CBX5: variants seen among roughly 807,000 people sequenced by gnomAD.
CBX5 encodes chromobox 5, also known as chromobox protein homolog 5.
CBX5 carries 7 observed loss-of-function variants against 20.7 expected under a neutral mutation model. That is an observed-to-expected ratio of 0.34 (90% confidence interval 0.19 to 0.63). The LOEUF (loss-of-function observed/expected upper bound fraction) is 0.63. Among genes scored for constraint, CBX5 ranks in the 30% least tolerant of loss-of-function variants. The pLI is 0.75. For missense variants in CBX5, 110 were observed against 224.1 expected (o/e 0.49, Z 3.25); for synonymous variants, 78 against 77.0 (o/e 1.01, Z -0.07).
At chr12:54,278,093 T>C (rs1278485243) in intron 1 of CBX5, among the ~76,000 whole-genome samples, 2 of 152,320 alleles carry the variant, frequency 1.3e-5, no homozygotes. Context: ...CATTTGGCAA[T>C]GTCTGGAAAC....
intron 1 of CBX5, among the ~76,000 whole-genome samples, chr12:54,266,731 T>C (rs1327222366): frequency 6.6e-6 from 1 of 152,214 alleles, no homozygotes; most frequent in Non-Finnish European, 1.5e-5. Flanking sequence ...GGTAAACTGG[T>C]GTATTTAGCA....
At chr12:54,270,788 A>G (rs1944001381) in intron 1 of CBX5, among the ~76,000 whole-genome samples, 1 of 152,182 alleles carries the variant, frequency 6.6e-6, no homozygotes, top group Non-Finnish European at 1.5e-5. Context: ...ACAGTGGCTC[A>G]TGCCTGTAAT....
chr12:54,252,314 A>T (rs1192763266), intron 2 of CBX5, 87 bp from the exon 3 acceptor site: 1 of 896,678 alleles, frequency 1.1e-6, no homozygotes, highest in African/African-American at 1.8e-5. Flanking sequence ...CAAAGAGGAC[A>T]TTCGGACAAA....
At chr12:54,251,776 T>C (rs1430845999) in intron 3 of CBX5, among the ~76,000 whole-genome samples, 2 of 152,214 alleles carry the variant, frequency 1.3e-5, no homozygotes, top group Non-Finnish European at 2.9e-5. Flanking sequence ...CTTCTACTTA[T>C]GGAGAAGGCA....
intron 3 of CBX5, among the ~76,000 whole-genome samples, chr12:54,247,489 C>T (rs1482952565): frequency 6.6e-6 from 1 of 152,128 alleles, no homozygotes; most frequent in Non-Finnish European, 1.5e-5. Flanking sequence ...TATGATCACG[C>T]CACTGTGCTC....
Position 54,242,195 on chromosome 12 carries a change from A to T in CBX5, c.426-290T>A, listed in dbSNP as rs12296375. Among the ~76,000 whole-genome samples, 1,329 of 152,274 alleles carry T rather than the reference A, an allele frequency of 8.7e-3. 57 individuals carry two copies. Among genetic ancestry groups the T allele is most frequent in the East Asian group, 0.059 (308 of 5,182 alleles). Reference sequence around the variant, plus strand: ...ATATTAATCTGCTTCCAAAATTTTTATTTGTGAATATGAGCATGTGAGTGA... The same window carrying T: ...ATATTAATCTGCTTCCAAAATTTTTTTTTGTGAATATGAGCATGTGAGTGA... On this transcript the variant is annotated intron_variant, in intron 4 of 4. Transcript: ENST00000209875.
At position 54,257,549 on chromosome 12, in the gene CBX5, T is replaced by G; in HGVS notation, c.102A>C (p.Gln34His). 2 of 1,614,224 alleles carry G rather than the reference T, an allele frequency of 1.2e-6. No homozygotes were observed. Among genetic ancestry groups the G allele is most frequent in the Non-Finnish European group, 1.7e-6 (2 of 1,180,030 alleles). ...KVLDRRVVKG[Q>H]VEYLLKWKGF... is the part of the protein sequence containing the mutation. ...CTTTCCACTTCAGTAGATATTCCACTTGTCCCTTAACCACGCGCCTGTCTA... is the reference window on the plus strand; with the variant it reads ...CTTTCCACTTCAGTAGATATTCCACGTGTCCCTTAACCACGCGCCTGTCTA... Residue 34 changes from glutamine to histidine, a missense_variant, in exon 2 of 5, where the codon CAA becomes CAC. Physicochemically the swap from Gln to His is conservative, Grantham distance 24. Coordinates refer to ENST00000209875, the MANE Select transcript of CBX5 (RefSeq NM_012117.3).
rs556869783 is a variant in CBX5 at position 54,279,473 on chromosome 12, G to A, written c.-43+535C>T. Among the ~76,000 whole-genome samples the A allele has an allele frequency of 7.2e-5, 11 of 152,142 alleles. No individual in the cohort carries two copies. In the East Asian group the frequency reaches 2.1e-3, roughly 29 times the overall value. ...GTGGATAAAACATCCACCCTCACAC[G>A]CCATTACAGGCACCGACTCCCCTTC... On this transcript the variant is annotated intron_variant, in intron 1 of 4. Coordinates refer to ENST00000209875, the MANE Select transcript of CBX5 (RefSeq NM_012117.3).
chr12:54,263,892 A>C (rs1176259968), intron 1 of CBX5, among the ~76,000 whole-genome samples: 1 of 151,682 alleles, frequency 6.6e-6, no homozygotes, highest in Non-Finnish European at 1.5e-5. Context: ...AAATACAAAA[A>C]ATTAGCCAGA....
intron 1 of CBX5, chr12:54,271,814 C>A (rs1944013265): frequency 6.6e-6 from 1 of 152,004 alleles, no homozygotes. Context: ...ATATAGGAAA[C>A]AGAAGGAAAA....
At chr12:54,270,163 G>C (rs950230305) in intron 1 of CBX5, among the ~76,000 whole-genome samples, 1 of 151,674 alleles carries the variant, frequency 6.6e-6, no homozygotes, top group African/African-American at 2.4e-5. Context: ...GTTTATTTTG[G>C]ATTTAATTTG....
At position 54,243,774 on chromosome 12, in the gene CBX5, G is replaced by A. The variant is rs1022184898; in HGVS notation, c.426-1869C>T. On this transcript the variant is annotated intron_variant, in intron 4 of 4. Coordinates refer to ENST00000209875, the MANE Select transcript of CBX5 (RefSeq NM_012117.3). ...ATCCCAGCTACTTAGGTGGCTGAGGGATGAGAACTGCTTGAACCTGGGAGG... is the reference window on the plus strand; with the variant it reads ...ATCCCAGCTACTTAGGTGGCTGAGGAATGAGAACTGCTTGAACCTGGGAGG... Among the ~76,000 whole-genome samples the A allele has an allele frequency of 2.7e-5, 4 of 148,806 alleles. No individual in the cohort carries two copies. The East Asian group carries it at 8.4e-4, about 31-fold the overall frequency.
At chr12:54,253,282 G>T (rs1404408852) in intron 2 of CBX5, among the ~76,000 whole-genome samples, 3 of 152,020 alleles carry the variant, frequency 2.0e-5, no homozygotes, top group Non-Finnish European at 4.4e-5. Context: ...GGGCTTGGTG[G>T]TGCACACCTG....
In CBX5 at chr12:54,261,249, C is replaced by CA. The variant is rs375784678; in HGVS notation, c.-42-3558dup. Among the ~76,000 whole-genome samples the CA allele has an allele frequency of 4.9e-4, 74 of 149,828 alleles. 1 individual carries two copies. The highest frequency in any genetic ancestry group is 1.7e-3 in the African/African-American group (71 of 41,078). On this transcript the variant is annotated intron_variant, in intron 1 of 4. Transcript: ENST00000209875. ...GCACAATGGTGACTATTACGACTGT[C>CA]AAACAGAAGAAACCATAGGGTGTAA...
rs745314716 is a variant in CBX5 at position 54,252,267 on chromosome 12, G to T, written c.138-40C>A. 3.4e-6 allele frequency: 5 copies of T among 1,464,774 alleles called. No individual in the cohort carries two copies. The African/African-American group carries it at 4.4e-5, about 13-fold the overall frequency. 90.7% of individuals were successfully genotyped at this position (1,464,774 alleles called of 1,614,324 possible). ...TGGGAAAATTAAAAAAAAAAGGGGG[G>T]GGTAAAGAATGAGGAAAAAAATCCA... On this transcript the variant is annotated intron_variant, in intron 2 of 4. Transcript: ENST00000209875.
Position 54,251,153 on chromosome 12 carries a change from T to C in CBX5, c.324+888A>G, listed in dbSNP as rs545514649. Among the ~76,000 whole-genome samples, 32 of 146,100 alleles carry C rather than the reference T, an allele frequency of 2.2e-4. No individual in the cohort carries two copies. In the South Asian group the frequency reaches 6.9e-3, roughly 32 times the overall value. On this transcript the variant is annotated intron_variant, in intron 3 of 4. Coordinates refer to ENST00000209875, the MANE Select transcript of CBX5 (RefSeq NM_012117.3). Reference sequence around the variant, plus strand: ...CTCCAAAAAAAAAGAAAAAAGGAAGTGAAATGGTAAACATTTCAAAGCCCC... The same window carrying C: ...CTCCAAAAAAAAAGAAAAAAGGAAGCGAAATGGTAAACATTTCAAAGCCCC...
At chr12:54,255,344 G>A (rs1943852290) in intron 2 of CBX5, among the ~76,000 whole-genome samples, 1 of 152,062 alleles carries the variant, frequency 6.6e-6, no homozygotes, top group African/African-American at 2.4e-5. Flanking sequence ...CGAATCACAA[G>A]GTCAGGAGTT....
intron 1 of CBX5, chr12:54,276,958 T>G (rs1418126143): frequency 6.6e-6 from 1 of 152,210 alleles, no homozygotes; most frequent in Non-Finnish European, 1.5e-5. Context: ...AAAACATATT[T>G]GCCATTATTT....
At chr12:54,264,637 G>A (rs1323287066) in intron 1 of CBX5, among the ~76,000 whole-genome samples, 1 of 152,164 alleles carries the variant, frequency 6.6e-6, no homozygotes, top group East Asian at 1.9e-4. Flanking sequence ...GAGGTCGGGA[G>A]TTTGAGACCA....
Sources: allele counts gnomAD v4.1 joint callset (sites outside exome capture counted in the v4.1 genomes callset), GRCh38; gene constraint gnomAD v4.1.1; transcripts MANE v1.5; gene names NCBI Gene and HGNC (gene_info 2026-07-23, HGNC 2026-07-21).